NT5DC4: variants seen among roughly 807,000 people sequenced by gnomAD.
The protein encoded by NT5DC4 is 5'-nucleotidase domain containing 4.
In NT5DC4, 44 loss-of-function variants were observed where a neutral mutation model predicts 26.6. The ratio of observed to expected loss-of-function variants is 1.65; its 90% CI spans 1.30 to 2.13. NT5DC4 has a LOEUF of 2.13. Among genes scored for constraint, NT5DC4 ranks in the 30% most tolerant of loss-of-function variants. The pLI is 0.00. For missense variants in NT5DC4, 399 were observed against 228.1 expected (o/e 1.75, Z -4.83); for synonymous variants, 157 against 86.7 (o/e 1.81, Z -4.51).
intron 10 of NT5DC4, 121 bp downstream of exon 10, chr2:112,724,247 G>A: frequency 1.4e-6 from 1 of 696,712 alleles, no homozygotes; most frequent in East Asian, 2.7e-5. Context: ...GAAGACCTGA[G>A]TGTGTGAGTG....
At chr2:112,725,053 G>A (rs2104737834) in intron 11 of NT5DC4, 121 bp from the exon 12 acceptor site, 1 of 651,962 alleles carries the variant, frequency 1.5e-6, no homozygotes, top group Non-Finnish European at 2.9e-6. Flanking sequence ...GCCCTCTGCT[G>A]CCTCCTTCCT....
At chr2:112,726,912 C>A (rs1206582379) in intron 15 of NT5DC4, 174 bp downstream of exon 15, 2 of 640,974 alleles carry the variant, frequency 3.1e-6, no homozygotes, top group Non-Finnish European at 5.8e-6. Flanking sequence ...TGCTGGCCGA[C>A]ATTCCAAAGG....
intron 16 of NT5DC4, among the ~76,000 whole-genome samples, chr2:112,730,731 T>G (rs1678388229): frequency 6.6e-6 from 1 of 152,192 alleles, no homozygotes; most frequent in South Asian, 2.1e-4. Context: ...AGGCACAGTG[T>G]TTGTTCTTTC....
At chr2:112,735,198 C>A (rs1212777271) in intron 16 of NT5DC4, among the ~76,000 whole-genome samples, 1 of 151,922 alleles carries the variant, frequency 6.6e-6, no homozygotes, top group Non-Finnish European at 1.5e-5. Context: ...TGCGTACCCC[C>A]ACGCCTGGAT....
chr2:112,740,240 G>A (rs1679819308), downstream of NT5DC4, among the ~76,000 whole-genome samples: 1 of 152,076 alleles, frequency 6.6e-6, no homozygotes, highest in South Asian at 2.1e-4. Context: ...GAAGAGATTC[G>A]GCTGTGCTTT....
At position 112,725,552 on chromosome 2, in the gene NT5DC4, G is replaced by C. The variant is rs1377866213; in HGVS notation, c.1153G>C (p.Glu385Gln). 4 of 704,190 alleles carry C rather than the reference G, an allele frequency of 5.7e-6. No individual in the cohort carries two copies. The African/African-American group carries it at 7.0e-5, about 12-fold the overall frequency. 43.6% of individuals were successfully genotyped at this position (704,190 alleles called of 1,614,324 possible). A position where few individuals can be genotyped will look rare whatever the true frequency, so the allele number is the denominator to read the frequency against. ...WELDIWAQEK[E>Q]RLEELKRLDT... is the part of the protein sequence containing the mutation. Reference sequence around the variant, plus strand: ...GCTGGACATCTGGGCCCAGGAGAAGGGTGAGCTGTTGGGGTCTGGAACAGT... The same window carrying C: ...GCTGGACATCTGGGCCCAGGAGAAGCGTGAGCTGTTGGGGTCTGGAACAGT... Residue 385 changes from glutamate to glutamine, a missense_variant and splice_region_variant, in exon 13 of 17, where the codon GAG becomes CAG. Coordinates refer to ENST00000688554, the MANE Select transcript of NT5DC4 (RefSeq NM_001393655.1).
At position 112,723,179 on chromosome 2, in the gene NT5DC4, G is replaced by A; in HGVS notation, c.621+5G>A. The A allele has an allele frequency of 4.2e-6, 3 of 717,336 alleles. No homozygotes were observed. The highest frequency in any genetic ancestry group is 1.5e-5 in the South Asian group (1 of 67,600). The allele number at this position is 717,336 out of a possible 1,614,324, so 44.4% of individuals were successfully genotyped here. A position where few individuals can be genotyped will look rare whatever the true frequency, so the allele number is the denominator to read the frequency against. On this transcript the variant is annotated splice_donor_5th_base_variant and intron_variant, in intron 7 of 16. Coordinates refer to ENST00000688554, the MANE Select transcript of NT5DC4 (RefSeq NM_001393655.1). ...ATGAATAACATCCACCAGTCGGTGA[G>A]TGAGTGGTCCAGAACCCCCGGACCC...
intron 8 of NT5DC4, 122 bp from the exon 9 acceptor site, chr2:112,723,597 A>G (rs959139465): frequency 8.8e-6 from 6 of 681,282 alleles, no homozygotes; most frequent in Middle Eastern, 5.1e-4. Context: ...GGATCTTTCT[A>G]TGGGGCCTGG....
In NT5DC4 at chr2:112,723,816, T is replaced by C. The variant is rs1047142644; in HGVS notation, c.756+14T>C. ...AACTACACCAATGTGAGTATGTGTA[T>C]GGAGGGGTGGACCGTCGGCCTCCTT... On this transcript the variant is annotated intron_variant, in intron 9 of 16. Transcript: ENST00000688554. 8.8e-6 allele frequency: 6 copies of C among 682,168 alleles called. No individual in the cohort carries two copies. The highest frequency in any genetic ancestry group is 4.8e-4 in the Middle Eastern group (2 of 4,208). 42.3% of individuals were successfully genotyped at this position (682,168 alleles called of 1,614,324 possible). A position where few individuals can be genotyped will look rare whatever the true frequency, so the allele number is the denominator to read the frequency against.
At chr2:112,721,329 T>C (rs755810087) in intron 1 of NT5DC4, among the ~76,000 whole-genome samples, 176 bp downstream of exon 1, 2 of 152,232 alleles carry the variant, frequency 1.3e-5, no homozygotes, top group African/African-American at 2.4e-5. Flanking sequence ...ATCAGGGAAC[T>C]GACCACACAC....
intron 10 of NT5DC4, 113 bp from the exon 11 acceptor site, chr2:112,724,668 G>T (rs978845123): frequency 1.5e-5 from 10 of 663,792 alleles, no homozygotes; most frequent in South Asian, 3.3e-5. Context: ...GGCTGAAGAG[G>T]TCTCATCCAG....
intron 16 of NT5DC4, among the ~76,000 whole-genome samples, chr2:112,735,547 G>A (rs537561319): frequency 6.7e-6 from 1 of 149,070 alleles, no homozygotes; most frequent in African/African-American, 2.5e-5. Flanking sequence ...AGCCATCCCC[G>A]AACAACATTA....
intron 13 of NT5DC4, among the ~76,000 whole-genome samples, 155 bp downstream of exon 13, chr2:112,725,707 T>C (rs560020898): frequency 2.6e-4 from 39 of 152,238 alleles, no homozygotes; most frequent in Admixed American, 1.9e-3. Context: ...GACAAAGACA[T>C]ACAGACCCAG....
At chr2:112,738,021 A>C (rs1679459877) in intron 16 of NT5DC4, 2 of 152,218 alleles carry the variant, frequency 1.3e-5, no homozygotes, top group Non-Finnish European at 1.5e-5. Context: ...AGGAGGAAGA[A>C]AAAGCAACCT....
chr2:112,722,842 G>A, intron 6 of NT5DC4, 71 bp downstream of exon 6: 1 of 697,894 alleles, frequency 1.4e-6, no homozygotes. Flanking sequence ...CCCCAAAGAG[G>A]GGCCCCCCAA....
intron 15 of NT5DC4, chr2:112,727,061 A>T (rs1399266572): frequency 2.6e-6 from 1 of 377,392 alleles, no homozygotes; most frequent in Non-Finnish European, 5.0e-6. Context: ...GCCAGTTCTG[A>T]TAGGAAATGT....
At chr2:112,740,767 T>C (rs548567202), downstream of NT5DC4, 4 of 1,453,786 alleles carry the variant, frequency 2.8e-6, no homozygotes, top group Admixed American at 3.7e-5. Context: ...AATCGAGACT[T>C]GGACTAGAAT....
intron 8 of NT5DC4, 99 bp downstream of exon 8, chr2:112,723,567 T>A: frequency 1.4e-6 from 1 of 692,506 alleles, no homozygotes; most frequent in Non-Finnish European, 2.7e-6. Context: ...TAGGCTGAGC[T>A]CTGCTCCCCG....
rs1359975513 is a variant in NT5DC4, at chr2:112,724,076, C to T, written c.757-18C>T. On this transcript the variant is annotated intron_variant, in intron 9 of 16. Transcript: ENST00000688554. ...GTGGCCCAAGCTTGGTGCCCTGACG[C>T]TGCCTTGTCCTTGCCAGGCCATCAT... 5.2e-5 allele frequency: 37 copies of T among 717,042 alleles called. No homozygotes were observed. Among genetic ancestry groups the T allele is most frequent in the Non-Finnish European group, 2.3e-5 (9 of 385,058 alleles). The allele number at this position is 717,042 out of a possible 1,614,324, so 44.4% of individuals were successfully genotyped here. A position where few individuals can be genotyped will look rare whatever the true frequency, so the allele number is the denominator to read the frequency against.
Sources: gnomAD v4.1 joint callset for allele counts (sites outside exome capture counted in the v4.1 genomes callset) on GRCh38, gnomAD v4.1.1 for gene constraint, MANE v1.5 for transcripts, NCBI Gene and HGNC (gene_info 2026-07-23, HGNC 2026-07-21) for gene names.